CEP68: variants seen among roughly 807,000 people sequenced by gnomAD.
CEP68 encodes the protein centrosomal protein 68.
A neutral mutation model predicts 55.3 loss-of-function variants in CEP68; 26 were observed. The observed-to-expected ratio is 0.47, with a 90% confidence interval of 0.34 to 0.65. The LOEUF is 0.65. Among genes scored for constraint, CEP68 ranks in the 30% least tolerant of loss-of-function variants. The probability of loss-of-function intolerance (pLI) is 0.01; values close to 1 mark genes in which losing one functional copy is unlikely to be tolerated. For missense variants in CEP68, 957 were observed against 946.7 expected (o/e 1.01, Z -0.14); for synonymous variants, 402 against 383.2 (o/e 1.05, Z -0.57).
chr2:65,082,839 G>C (rs1668895973), intron 6 of CEP68, 130 bp downstream of exon 6: 1 of 762,756 alleles, frequency 1.3e-6, no homozygotes, highest in Non-Finnish European at 2.0e-6. Flanking sequence ...ACAGCCAATG[G>C]TACTAAAAAA....
chr2:65,079,847 C>T (rs982165753), intron 5 of CEP68, among the ~76,000 whole-genome samples: 10 of 152,210 alleles, frequency 6.6e-5, no homozygotes, highest in African/African-American at 9.7e-5. Context: ...AAAAGTAGGC[C>T]TCTAGTCCGG....
intron 1 of CEP68, among the ~76,000 whole-genome samples, chr2:65,066,122 C>G (rs149385840): frequency 3.7e-4 from 56 of 152,276 alleles, no homozygotes; most frequent in African/African-American, 1.3e-3. Flanking sequence ...TACCCACACT[C>G]AGACCAGGAC....
intron 1 of CEP68, among the ~76,000 whole-genome samples, chr2:65,067,453 C>T (rs1349996875): frequency 6.6e-6 from 1 of 152,096 alleles, no homozygotes; most frequent in Non-Finnish European, 1.5e-5. Flanking sequence ...ATACACAAAA[C>T]TAGTAAGGCT....
At chr2:65,061,405 G>C (rs1311723885) in intron 1 of CEP68, among the ~76,000 whole-genome samples, 1 of 152,176 alleles carries the variant, frequency 6.6e-6, no homozygotes, top group Non-Finnish European at 1.5e-5. Flanking sequence ...CTGTTCTTTT[G>C]ACTCTAAGCA....
At chr2:65,058,734 T>G (rs1464700367) in intron 1 of CEP68, among the ~76,000 whole-genome samples, 1 of 152,024 alleles carries the variant, frequency 6.6e-6, no homozygotes, top group Non-Finnish European at 1.5e-5. Context: ...CTTGAACTCC[T>G]GACCTCAGGT....
Position 65,078,046 on chromosome 2 carries a change from G to A in CEP68, c.2104+82G>A, listed in dbSNP as rs116575226. ...CCAGGGACCGCACTATCCCTGGTAAGGAGCTGGTACCACAAGAGCCCCTGC... is the reference window on the plus strand; with the variant it reads ...CCAGGGACCGCACTATCCCTGGTAAAGAGCTGGTACCACAAGAGCCCCTGC... On this transcript the variant is annotated intron_variant, in intron 5 of 6. Coordinates refer to ENST00000377990, the MANE Select transcript of CEP68 (RefSeq NM_015147.3). 55 of 1,026,486 alleles carry A rather than the reference G, an allele frequency of 5.4e-5. No individual in the cohort carries two copies. The African/African-American group carries it at 7.6e-4, about 14-fold the overall frequency. 63.6% of individuals were successfully genotyped at this position (1,026,486 alleles called of 1,614,324 possible).
At position 65,086,363 on chromosome 2, in the gene CEP68, G is replaced by A. The variant is rs144616405; in HGVS notation, c.*2729G>A. On this transcript the variant is annotated 3_prime_UTR_variant, in exon 7 of 7. Transcript: ENST00000377990. ...CTAAGTGAACAGATTATTAAAACCT[G>A]TAGTAGCTTTGAACCGTTTGTACTT... The A allele has an allele frequency of 2.3e-3, 353 of 152,276 alleles. 3 individuals carry two copies. The highest frequency in any genetic ancestry group is 8.1e-3 in the African/African-American group (338 of 41,552). The allele number at this position is 152,276 out of a possible 1,614,324, so 9.4% of individuals were successfully genotyped here.
chr2:65,073,330 G>A (rs982951841), intron 3 of CEP68: 116 of 355,898 alleles, frequency 3.3e-4, no homozygotes, highest in Non-Finnish European at 5.0e-4. Context: ...AAAAGGTTTT[G>A]TGCACAGATG....
intron 5 of CEP68, chr2:65,080,283 T>G: frequency 1.0e-6 from 1 of 985,370 alleles, no homozygotes; most frequent in Non-Finnish European, 1.2e-6. Context: ...CAGATATGTA[T>G]CCAGGCTCTT....
intron 1 of CEP68, among the ~76,000 whole-genome samples, chr2:65,063,190 G>C (rs1359927663): frequency 2.0e-5 from 3 of 152,224 alleles, no homozygotes; most frequent in Non-Finnish European, 4.4e-5. Flanking sequence ...AGCCTCTTCA[G>C]GTTCTGGAAA....
rs1669022641 is a variant in CEP68, at chr2:65,086,150, A to C, written c.*2516A>C. The C allele has an allele frequency of 6.6e-6, 1 of 152,246 alleles. No individual in the cohort carries two copies. Among genetic ancestry groups the C allele is most frequent in the African/African-American group, 2.4e-5 (1 of 41,466 alleles). The allele number at this position is 152,246 out of a possible 1,614,324, so 9.4% of individuals were successfully genotyped here. A position where few individuals can be genotyped will look rare whatever the true frequency, so the allele number is the denominator to read the frequency against. ...TGAGGTAAGATATGCTGGAAAGGCA[A>C]GATGTAGGCTAAGGGAAATTCAATC... On this transcript the variant is annotated 3_prime_UTR_variant, in exon 7 of 7. Coordinates refer to ENST00000377990, the MANE Select transcript of CEP68 (RefSeq NM_015147.3).
Position 65,086,583 on chromosome 2 carries a change from AACTC to A in CEP68, c.*2952_*2955del, listed in dbSNP as rs1669033831. The A allele has an allele frequency of 1.3e-5, 2 of 152,232 alleles. No homozygotes were observed. Among genetic ancestry groups the A allele is most frequent in the African/African-American group, 4.8e-5 (2 of 41,462 alleles). The allele number at this position is 152,232 out of a possible 1,614,324, so 9.4% of individuals were successfully genotyped here. On this transcript the variant is annotated 3_prime_UTR_variant, in exon 7 of 7. Transcript: ENST00000377990. ...CTTAAGTTCATGTAATGTTTCCGCTAACTCACCAAGAATAAGCTGACAATTTAAA... is the reference window on the plus strand; with the variant it reads ...CTTAAGTTCATGTAATGTTTCCGCTAACCAAGAATAAGCTGACAATTTAAA...
In CEP68 at chr2:65,072,769, T is replaced by C; in HGVS notation, c.1673T>C (p.Phe558Ser). The part of the protein sequence containing the change: ...SGDPEGQNPC[F>S]LRSFVRAHDS... Reference sequence around the variant, plus strand: ...GATCCTGAGGGCCAGAATCCCTGTTTCCTGCGCTCCTTCGTCCGTGCCCAC... The same window carrying C: ...GATCCTGAGGGCCAGAATCCCTGTTCCCTGCGCTCCTTCGTCCGTGCCCAC... The change falls in exon 3 of 7, where the codon TTC becomes TCC. Residue 558 changes from phenylalanine to serine, a missense_variant. Coordinates refer to ENST00000377990, the MANE Select transcript of CEP68 (RefSeq NM_015147.3). 1.2e-6 allele frequency: 2 copies of C among 1,614,100 alleles called. No individual in the cohort carries two copies. Among genetic ancestry groups the C allele is most frequent in the Non-Finnish European group, 1.7e-6 (2 of 1,180,012 alleles).
intron 5 of CEP68, among the ~76,000 whole-genome samples, chr2:65,082,211 GATAC>G (rs1327584652): frequency 6.6e-6 from 1 of 152,210 alleles, no homozygotes; most frequent in Non-Finnish European, 1.5e-5. Context: ...CCCTTACAGA[GATAC>G]CTGTCTTACC....
At chr2:65,074,632 A>C in intron 4 of CEP68, 1 of 563,122 alleles carries the variant, frequency 1.8e-6, no homozygotes, top group African/African-American at 1.9e-5. Flanking sequence ...ATTTATCTCA[A>C]ATCAAAAATA....
At chr2:65,062,532 CAA>C (rs10700779) in intron 1 of CEP68, among the ~76,000 whole-genome samples, 7 of 66,290 alleles carry the variant, frequency 1.1e-4, no homozygotes, top group African/African-American at 1.3e-4. Context: ...GACTCCATCT[CAA>C]AAAAAAAAAA....
chr2:65,080,002 G>A (rs1348593476), intron 5 of CEP68, among the ~76,000 whole-genome samples: 2 of 152,080 alleles, frequency 1.3e-5, no homozygotes, highest in African/African-American at 4.8e-5. Context: ...GCGTGGTGGG[G>A]AGCACCTGTA....
chr2:65,078,072 C>A (rs922152633), intron 5 of CEP68, 108 bp downstream of exon 5: 1 of 747,014 alleles, frequency 1.3e-6, no homozygotes, highest in Admixed American at 2.7e-5. Context: ...GAGCCCCTGC[C>A]CACACCCACT....
rs112113344 is a variant in CEP68 at position 65,077,717 on chromosome 2, C to T, written c.2008-151C>T. ...AAGAAGCTGAAGTTAAACTGTTGCACTGTTTACTTGGGGAATTCTGCAGAC... is the reference window on the plus strand; with the variant it reads ...AAGAAGCTGAAGTTAAACTGTTGCATTGTTTACTTGGGGAATTCTGCAGAC... On this transcript the variant is annotated intron_variant, in intron 4 of 6. Transcript: ENST00000377990. 1.5e-3 allele frequency: 835 copies of T among 539,340 alleles called. 5 individuals carry two copies. The highest frequency in any genetic ancestry group is 0.015 in the African/African-American group (762 of 51,906). 33.4% of individuals were successfully genotyped at this position (539,340 alleles called of 1,614,324 possible). A position where few individuals can be genotyped will look rare whatever the true frequency, so the allele number is the denominator to read the frequency against.
Sources: gnomAD v4.1 joint callset for allele counts (sites outside exome capture counted in the v4.1 genomes callset) on GRCh38, gnomAD v4.1.1 for gene constraint, MANE v1.5 for transcripts, NCBI Gene and HGNC (gene_info 2026-07-23, HGNC 2026-07-21) for gene names.